PIP5K1B: variants seen among roughly 807,000 people sequenced by gnomAD.
PIP5K1B encodes the protein phosphatidylinositol-4-phosphate 5-kinase type 1 beta, also known as phosphatidylinositol 4-phosphate 5-kinase type-1 beta.
PIP5K1B carries 42 observed loss-of-function variants against 67.0 expected under a neutral mutation model. That is an observed-to-expected ratio of 0.63 (90% CI 0.49 to 0.81). The LOEUF (loss-of-function observed/expected upper bound fraction) is 0.81, where lower values mean the gene tolerates loss of function less well. PIP5K1B is among the 30% of genes least tolerant of loss of function. PIP5K1B has a pLI of 0.00. For synonymous variants in PIP5K1B, 214 were observed against 231.4 expected (o/e 0.92, Z 0.68); for missense variants, 459 against 646.3 (o/e 0.71, Z 3.14).
At position 68,918,837 on chromosome 9, in the gene PIP5K1B, G is replaced by A. The variant is rs565393580; in HGVS notation, c.984-642G>A. The stretch of plus-strand genomic sequence containing the variant: ...CAGTTAAATTATCCTATATCAGTAT[G>A]GTGAAATACAATAAGGCTATTAAAA... On this transcript the variant is annotated intron_variant, in intron 9 of 15. Transcript: ENST00000265382. 5.9e-5 allele frequency among the ~76,000 whole-genome samples: 9 copies of A among 152,094 alleles called. No individual in the cohort carries two copies. The South Asian group carries it at 1.9e-3, about 32-fold the overall frequency.
intron 2 of PIP5K1B, among the ~76,000 whole-genome samples, chr9:68,754,789 G>T (rs1403588746): frequency 6.6e-6 from 1 of 152,030 alleles, no homozygotes; most frequent in Non-Finnish European, 1.5e-5. Flanking sequence ...GTTATATGAG[G>T]CATCTTTTTT....
intron 2 of PIP5K1B, among the ~76,000 whole-genome samples, chr9:68,752,670 A>C (rs1211485861): frequency 6.6e-6 from 1 of 152,084 alleles, no homozygotes; most frequent in Non-Finnish European, 1.5e-5. Flanking sequence ...AGGAGTTACC[A>C]ATGTATCCTT....
intron 14 of PIP5K1B, among the ~76,000 whole-genome samples, chr9:68,966,916 G>A (rs1316117283): frequency 2.0e-5 from 3 of 152,198 alleles, no homozygotes; most frequent in Admixed American, 2.0e-4. Flanking sequence ...TGTATGCAGA[G>A]AAGATGAATA....
At chr9:68,822,860 T>C (rs569956374) in intron 4 of PIP5K1B, among the ~76,000 whole-genome samples, 177 bp downstream of exon 4, 27 of 152,350 alleles carry the variant, frequency 1.8e-4, no homozygotes, top group Non-Finnish European at 2.9e-4. Context: ...CATTATCTTA[T>C]AGTTCAGTGA....
chr9:68,718,378 C>G lies in PIP5K1B; in HGVS notation c.-243+12616C>G, dbSNP rs182211045. Among the ~76,000 whole-genome samples the G allele has an allele frequency of 5.8e-4, 88 of 152,170 alleles. No homozygotes were observed. The East Asian group carries it at 0.01, about 18-fold the overall frequency. The stretch of plus-strand genomic sequence containing the variant: ...TCACACTAATTTATTTTAGTAAGAA[C>G]CTAAATACTGTAAGGAAAACAATCT... On this transcript the variant is annotated intron_variant, in intron 1 of 15. Transcript: ENST00000265382.
chr9:68,954,391 A>C (rs1353511641), intron 14 of PIP5K1B, among the ~76,000 whole-genome samples: 3 of 152,168 alleles, frequency 2.0e-5, no homozygotes, highest in Admixed American at 1.3e-4. Context: ...TCTACAGATT[A>C]AGAGAGGCCC....
intron 1 of PIP5K1B, among the ~76,000 whole-genome samples, chr9:68,737,730 A>G (rs1828806891): frequency 6.6e-6 from 1 of 152,196 alleles, no homozygotes; most frequent in Admixed American, 6.5e-5. Flanking sequence ...AATTCCTAAA[A>G]CTTTCAATGT....
intron 15 of PIP5K1B, among the ~76,000 whole-genome samples, chr9:68,992,839 C>CATAAA (rs1830439707): frequency 1.7e-5 from 1 of 57,556 alleles, no homozygotes; most frequent in Non-Finnish European, 2.9e-5. Flanking sequence ...GACCCTGTCT[C>CATAAA]AAAAAAAAAA....
At chr9:68,776,513 T>G (rs1002528076) in intron 2 of PIP5K1B, among the ~76,000 whole-genome samples, 1 of 151,840 alleles carries the variant, frequency 6.6e-6, no homozygotes, top group Non-Finnish European at 1.5e-5. Context: ...GGTCTCTCTC[T>G]TGCCCAGGCT....
chr9:69,008,199 C>T (rs1446510722), intron 15 of PIP5K1B, among the ~76,000 whole-genome samples: 1 of 152,162 alleles, frequency 6.6e-6, no homozygotes, highest in East Asian at 1.9e-4. Context: ...CCTTCCAAGT[C>T]CCGAGCACAG....
chr9:68,805,609 T>A (rs149335128), intron 2 of PIP5K1B, among the ~76,000 whole-genome samples: 77 of 152,050 alleles, frequency 5.1e-4, no homozygotes, highest in African/African-American at 1.7e-3. Context: ...TGCGGCAGAG[T>A]CAATAGTGAA....
At chr9:68,734,256 G>A (rs1828614254) in intron 1 of PIP5K1B, among the ~76,000 whole-genome samples, 1 of 152,170 alleles carries the variant, frequency 6.6e-6, no homozygotes, top group Non-Finnish European at 1.5e-5. Context: ...CCCCATTAAA[G>A]AGTTTACTAC....
intron 2 of PIP5K1B, among the ~76,000 whole-genome samples, chr9:68,744,682 C>T (rs1163593972): frequency 2.6e-5 from 4 of 152,070 alleles, no homozygotes; most frequent in Admixed American, 6.5e-5. Flanking sequence ...ACTAGGCAGG[C>T]GGTATCATAG....
intron 1 of PIP5K1B, among the ~76,000 whole-genome samples, chr9:68,726,633 G>A (rs1828160658): frequency 6.6e-6 from 1 of 152,152 alleles, no homozygotes. Context: ...AAGTGTAGTT[G>A]GCAGGAGGTG....
chr9:68,903,124 GT>G (rs1825445664), intron 8 of PIP5K1B, among the ~76,000 whole-genome samples: 1 of 152,126 alleles, frequency 6.6e-6, no homozygotes. Context: ...TTGATTACAT[GT>G]TTAACGTTTG....
At chr9:68,956,286 C>T (rs1473376553) in intron 14 of PIP5K1B, among the ~76,000 whole-genome samples, 1 of 152,086 alleles carries the variant, frequency 6.6e-6, no homozygotes, top group Non-Finnish European at 1.5e-5. Flanking sequence ...GTCTAGTCAA[C>T]ATGGGAAAAC....
At chr9:68,823,482 C>T (rs976171165) in intron 4 of PIP5K1B, among the ~76,000 whole-genome samples, 8 of 152,170 alleles carry the variant, frequency 5.3e-5, no homozygotes, top group Non-Finnish European at 1.2e-4. Flanking sequence ...CTCTTCCCCA[C>T]CTTTTCTAAG....
chr9:68,761,395 C>A (rs1400873124), intron 2 of PIP5K1B, among the ~76,000 whole-genome samples: 1 of 152,080 alleles, frequency 6.6e-6, no homozygotes, highest in Non-Finnish European at 1.5e-5. Context: ...TTAGAGATTA[C>A]AGAAATAATT....
At chr9:68,843,905 A>G (rs946265821) in intron 4 of PIP5K1B, among the ~76,000 whole-genome samples, 6 of 152,176 alleles carry the variant, frequency 3.9e-5, no homozygotes, top group Non-Finnish European at 7.4e-5. Context: ...CCCTGCCAAC[A>G]TGGGCCTGGG....
Sources: gnomAD v4.1 joint callset for allele counts (sites outside exome capture counted in the v4.1 genomes callset) on GRCh38, gnomAD v4.1.1 for gene constraint, MANE v1.5 for transcripts, NCBI Gene and HGNC (gene_info 2026-07-23, HGNC 2026-07-21) for gene names.